Variants in PTPRD observed in about 807,000 individuals in gnomAD.
PTPRD encodes protein tyrosine phosphatase receptor type D.
PTPRD carries 34 observed loss-of-function variants against 214.5 expected under a neutral mutation model. The ratio of observed to expected loss-of-function variants is 0.16; its 90% CI spans 0.12 to 0.21. The LOEUF is 0.21. Ranked by LOEUF, PTPRD falls within the 10% of genes least tolerant of loss-of-function variation. The pLI is 1.00. For missense variants in PTPRD, 2,545 were observed against 2,398.7 expected, an observed-to-expected ratio of 1.06 and a Z score of -1.27; for synonymous variants, 1,128 against 845.7, an observed-to-expected ratio of 1.33 and a Z score of -5.79.
rs547972896 is a variant in PTPRD, at chr9:8,358,121, C to T, written c.4662-16143G>A. Among the ~76,000 whole-genome samples, 138 of 152,272 alleles carry T rather than the reference C, an allele frequency of 9.1e-4. 1 individual carries two copies. The highest frequency in any genetic ancestry group is 1.5e-3 in the Non-Finnish European group (102 of 68,022). On this transcript the variant is annotated intron_variant, in intron 39 of 45. Coordinates refer to ENST00000381196, the MANE Select transcript of PTPRD (RefSeq NM_002839.4). ...TGCTCACTTTATTTAGTGTCTGTTT[C>T]ACACATGGCATAGTTCTAAGGGAGG... is the stretch of plus-strand genomic sequence containing the variant.
chr9:8,474,925 T>C (rs1591475474), intron 30 of PTPRD, among the ~76,000 whole-genome samples: 1 of 152,168 alleles, frequency 6.6e-6, no homozygotes, highest in South Asian at 2.1e-4. Context: ...AAGTTTACCA[T>C]ACATTGTACT....
At chr9:8,875,909 G>A (rs1177356389) in intron 11 of PTPRD, among the ~76,000 whole-genome samples, 1 of 152,120 alleles carries the variant, frequency 6.6e-6, no homozygotes, top group Non-Finnish European at 1.5e-5. Context: ...TTGTGACATG[G>A]AAAGATGGAA....
chr9:9,161,503 CA>C (rs1292229608), intron 10 of PTPRD, among the ~76,000 whole-genome samples: 1 of 151,988 alleles, frequency 6.6e-6, no homozygotes, highest in East Asian at 1.9e-4. Flanking sequence ...GGCAGTTTAG[CA>C]ATAGAGATTT....
intron 4 of PTPRD, among the ~76,000 whole-genome samples, chr9:9,953,171 C>T (rs1240833850): frequency 6.6e-6 from 1 of 152,134 alleles, no homozygotes; most frequent in African/African-American, 2.4e-5. Context: ...TTTCCTGGGT[C>T]ATGGTGTGCA....
At chr9:8,581,733 C>G (rs931780289) in intron 14 of PTPRD, among the ~76,000 whole-genome samples, 13 of 147,512 alleles carry the variant, frequency 8.8e-5, no homozygotes, top group South Asian at 4.3e-4. Flanking sequence ...GACGACAGAG[C>G]GAGACTCCAT....
At chr9:9,414,885 A>G (rs1800401629) in intron 8 of PTPRD, 1 of 152,228 alleles carries the variant, frequency 6.6e-6, no homozygotes, top group Admixed American at 6.5e-5. Context: ...AAAATTTAAA[A>G]GATAATTACC....
At chr9:10,571,003 A>AGGT (rs2067257409) in intron 2 of PTPRD, among the ~76,000 whole-genome samples, 2 of 152,050 alleles carry the variant, frequency 1.3e-5, no homozygotes, top group African/African-American at 4.8e-5. Flanking sequence ...ATATACCAGA[A>AGGT]GGTCATGCTG....
At chr9:9,216,385 G>T (rs527451986) in intron 9 of PTPRD, among the ~76,000 whole-genome samples, 3 of 152,008 alleles carry the variant, frequency 2.0e-5, no homozygotes, top group African/African-American at 4.8e-5. Context: ...TACTTGCTTC[G>T]CAGGGTTACA....
At chr9:9,370,249 A>T (rs2059092061) in intron 9 of PTPRD, among the ~76,000 whole-genome samples, 1 of 152,008 alleles carries the variant, frequency 6.6e-6, no homozygotes, top group Admixed American at 6.6e-5. Context: ...ATGAGCATGG[A>T]ATGTTCTTCC....
At chr9:9,411,009 C>CT (rs1175299488) in intron 8 of PTPRD, among the ~76,000 whole-genome samples, 2 of 151,748 alleles carry the variant, frequency 1.3e-5, no homozygotes, top group Non-Finnish European at 1.5e-5. Flanking sequence ...TACATGTTTG[C>CT]TTTTTTTTCC....
At chr9:10,273,937 G>A (rs1220460292) in intron 3 of PTPRD, among the ~76,000 whole-genome samples, 2 of 151,854 alleles carry the variant, frequency 1.3e-5, no homozygotes, top group African/African-American at 2.4e-5. Flanking sequence ...AGCTAACTCA[G>A]TGTAACAATA....
At chr9:9,385,999 G>A (rs1315648115) in intron 9 of PTPRD, among the ~76,000 whole-genome samples, 1 of 152,072 alleles carries the variant, frequency 6.6e-6, no homozygotes, top group African/African-American at 2.4e-5. Flanking sequence ...TGTGTTGGGA[G>A]ATTTCAGAAG....
chr9:10,166,810 T>A (rs1389682188), intron 3 of PTPRD, among the ~76,000 whole-genome samples: 2 of 152,142 alleles, frequency 1.3e-5, no homozygotes, highest in Admixed American at 1.3e-4. Context: ...TCAGATGTTT[T>A]GCCCATGCAA....
intron 30 of PTPRD, among the ~76,000 whole-genome samples, chr9:8,480,796 C>A (rs2096865093): frequency 6.6e-6 from 1 of 152,066 alleles, no homozygotes; most frequent in Admixed American, 6.5e-5. Flanking sequence ...ACTGAAATTG[C>A]TTGGGATAAA....
rs1185294621 is a variant in PTPRD, at chr9:9,892,796, G to A, written c.-368+45711C>T. On this transcript the variant is annotated intron_variant, in intron 5 of 45. Coordinates refer to ENST00000381196, the MANE Select transcript of PTPRD (RefSeq NM_002839.4). ...AGGGAAATAGCAATGGAAAGCTTGA[G>A]TGGTATAATATTTGAATACAAGTTT... 2.0e-5 allele frequency among the ~76,000 whole-genome samples: 3 copies of A among 151,954 alleles called. No individual in the cohort carries two copies. In the East Asian group the frequency reaches 5.8e-4, roughly 29 times the overall value.
intron 7 of PTPRD, among the ~76,000 whole-genome samples, chr9:9,586,464 A>T (rs2091980427): frequency 6.6e-6 from 1 of 152,014 alleles, no homozygotes; most frequent in East Asian, 1.9e-4. Context: ...TTAGTAATAA[A>T]AATATTCTCA....
intron 2 of PTPRD, among the ~76,000 whole-genome samples, chr9:10,524,812 T>C (rs2053708089): frequency 6.6e-6 from 1 of 152,084 alleles, no homozygotes; most frequent in African/African-American, 2.4e-5. Context: ...AGGCTATTTT[T>C]ATTTCATTTT....
At chr9:8,820,477 A>G (rs2097030154) in intron 11 of PTPRD, among the ~76,000 whole-genome samples, 2 of 152,306 alleles carry the variant, frequency 1.3e-5, no homozygotes, top group East Asian at 3.9e-4. Context: ...AGTTAATTAT[A>G]AAATGTCAGA....
At chr9:9,625,127 T>G (rs2095378450) in intron 7 of PTPRD, among the ~76,000 whole-genome samples, 2 of 151,898 alleles carry the variant, frequency 1.3e-5, no homozygotes, top group Admixed American at 1.3e-4. Flanking sequence ...TCCACAGTAG[T>G]TCTTGGACCT....
Sources: allele counts gnomAD v4.1 joint callset (sites outside exome capture counted in the v4.1 genomes callset), GRCh38; gene constraint gnomAD v4.1.1; transcripts MANE v1.5; gene names NCBI Gene and HGNC (gene_info 2026-07-23, HGNC 2026-07-21).